ALOX5: variants seen among roughly 807,000 people sequenced by gnomAD.
ALOX5 encodes polyunsaturated fatty acid 5-lipoxygenase.
Under a neutral mutation model 87.9 loss-of-function variants are expected in ALOX5, and 64 were observed. The ratio of observed to expected loss-of-function variants is 0.73; its 90% CI spans 0.60 to 0.90. The LOEUF (loss-of-function observed/expected upper bound fraction) is 0.90. Ranked by LOEUF, ALOX5 falls within the 40% of genes least tolerant of loss-of-function variation. ALOX5 has a pLI of 0.00. For synonymous variants in ALOX5, 388 were observed against 355.1 expected (o/e 1.09, Z -1.04); for missense variants, 822 against 907.5 (o/e 0.91, Z 1.21).
At chr10:45,421,032 G>C (rs957094981) in intron 4 of ALOX5, among the ~76,000 whole-genome samples, 6 of 152,212 alleles carry the variant, frequency 3.9e-5, no homozygotes, top group Admixed American at 3.9e-4. Flanking sequence ...CTAGGTCACT[G>C]CCCCTAGGCC....
intron 1 of ALOX5, 145 bp from the exon 2 acceptor site, chr10:45,382,338 T>C: frequency 3.9e-6 from 3 of 771,700 alleles, no homozygotes; most frequent in Non-Finnish European, 6.4e-6. Context: ...TCAGAGTATC[T>C]TGCACCTGCT....
intron 4 of ALOX5, among the ~76,000 whole-genome samples, chr10:45,414,859 GA>G (rs1841215506): frequency 6.6e-6 from 1 of 152,198 alleles, no homozygotes; most frequent in Non-Finnish European, 1.5e-5. Context: ...GGCCATCAGA[GA>G]AATGCAAATC....
At chr10:45,410,855 A>C (rs552255951) in intron 3 of ALOX5, among the ~76,000 whole-genome samples, 2 of 152,248 alleles carry the variant, frequency 1.3e-5, no homozygotes, top group African/African-American at 2.4e-5. Context: ...TTGGACCTCC[A>C]CAGGAAAGAA....
rs771513019 is a variant in ALOX5, at chr10:45,382,621, G to A, written c.289G>A (p.Glu97Lys). The change falls in exon 2 of 14, where the codon GAG becomes AAG. Residue 97 changes from glutamate (E) to lysine (K), a missense_variant. Glu to Lys is a moderately conservative substitution (Grantham distance 56, BLOSUM62 1). Coordinates refer to ENST00000374391, the MANE Select transcript of ALOX5 (RefSeq NM_000698.5). The stretch of plus-strand genomic sequence containing the variant: ...GAAGACGCCCCACGGGGACTACATC[G>A]AGTTCCCCTGCTACCGCTGGATCAC... ...TLKTPHGDYI[E>K]FPCYRWITGD... 3.7e-6 allele frequency: 6 copies of A among 1,613,926 alleles called. No homozygotes were observed. Among genetic ancestry groups the A allele is most frequent in the South Asian group, 2.2e-5 (2 of 91,072 alleles).
chr10:45,414,490 A>G (rs1841194199), intron 4 of ALOX5, among the ~76,000 whole-genome samples: 1 of 152,210 alleles, frequency 6.6e-6, no homozygotes, highest in Non-Finnish European at 1.5e-5. Flanking sequence ...AAACCCTAGA[A>G]GAAAACCTAG....
intron 6 of ALOX5, among the ~76,000 whole-genome samples, chr10:45,427,376 A>G (rs1156348213): frequency 6.6e-6 from 1 of 152,182 alleles, no homozygotes; most frequent in African/African-American, 2.4e-5. Flanking sequence ...AGGTGCCCTG[A>G]GTGCCTCCGC....
Position 45,443,824 on chromosome 10 carries a change from G to T in ALOX5, c.1670G>T (p.Gly557Val). 2 of 1,604,764 alleles carry T rather than the reference G, an allele frequency of 1.2e-6. No homozygotes were observed. The highest frequency in any genetic ancestry group is 4.5e-5 in the East Asian group (2 of 44,104). The stretch of plus-strand genomic sequence containing the variant: ...GCCCAGCACGCCGCGGTCAACTTCG[G>T]CCAGGTAGGCAGGGCCGGGCCCGCT... ...ASAQHAAVNF[G>V]QYDWCSWIPN... The change falls in exon 12 of 14, where the codon GGC (glycine) becomes GTC (valine). Residue 557 changes from glycine to valine, a missense_variant. By Grantham distance (109) the Gly-to-Val change is moderately radical. Transcript: ENST00000374391.
intron 7 of ALOX5, among the ~76,000 whole-genome samples, chr10:45,432,077 A>T (rs1042490930): frequency 2.1e-4 from 32 of 152,080 alleles, no homozygotes; most frequent in African/African-American, 6.0e-4. Context: ...GAAAACAATT[A>T]AAAAATTGAA....
intron 7 of ALOX5, among the ~76,000 whole-genome samples, chr10:45,438,981 T>G (rs1842139546): frequency 6.6e-6 from 1 of 152,164 alleles, no homozygotes; most frequent in African/African-American, 2.4e-5. Context: ...GCACTTGGGA[T>G]TTGGCTCGTC....
intron 2 of ALOX5, among the ~76,000 whole-genome samples, chr10:45,391,077 G>C (rs1588991466): frequency 3.6e-5 from 2 of 55,560 alleles, no homozygotes. Flanking sequence ...TCTCCCCACG[G>C]TCTCCCTCTC....
intron 6 of ALOX5, 22 bp from the exon 7 acceptor site, chr10:45,428,596 C>T: frequency 1.9e-6 from 3 of 1,613,614 alleles, no homozygotes; most frequent in Non-Finnish European, 1.7e-6. Flanking sequence ...CTGATTTGGA[C>T]ACATCTCTCT....
At chr10:45,381,049 G>A (rs1839809356) in intron 1 of ALOX5, among the ~76,000 whole-genome samples, 1 of 152,258 alleles carries the variant, frequency 6.6e-6, no homozygotes, top group Admixed American at 6.5e-5. Context: ...CCAACTTCCT[G>A]TCTGCCATCC....
intron 9 of ALOX5, 89 bp downstream of exon 9, chr10:45,441,519 A>C: frequency 5.3e-6 from 7 of 1,321,556 alleles, no homozygotes; most frequent in South Asian, 2.5e-5. Flanking sequence ...CCCTTTCAGG[A>C]GGCCTGGAAG....
rs1284603140 is a variant in ALOX5, at chr10:45,444,154, C to T, written c.1713C>T (p.Thr571=). The T allele has an allele frequency of 6.4e-7, 1 of 1,553,854 alleles. No individual in the cohort carries two copies. ...CCTGGATCCCCAATGCGCCCCCAAC[C>T]ATGCGAGCCCCGCCACCGACTGCCA... ...WCSWIPNAPP[T]MRAPPPTAKG... Residue 571 remains threonine (T), a synonymous_variant, in exon 13 of 14, where the codon ACC becomes ACT. Coordinates refer to ENST00000374391, the MANE Select transcript of ALOX5 (RefSeq NM_000698.5).
chr10:45,442,544 A>C (rs10751383), intron 9 of ALOX5: 87,884 of 154,744 alleles, frequency 0.57, 25,247 homozygotes, highest in East Asian at 0.68. Context: ...CATCACTCAG[A>C]AGCCGGGATC....
chr10:45,425,136 G>T lies in ALOX5; in HGVS notation c.834+4G>T. 1.2e-6 allele frequency: 2 copies of T among 1,612,144 alleles called. No homozygotes were observed. Among genetic ancestry groups the T allele is most frequent in the Non-Finnish European group, 1.7e-6 (2 of 1,178,944 alleles). ...CAGCTTGGAGCAGGAGGTCCAGGTA[G>T]GGGTTGATGGGCTGGGGAAGTGGCC... On this transcript the variant is annotated splice_donor_region_variant and intron_variant, in intron 6 of 13. Coordinates refer to ENST00000374391, the MANE Select transcript of ALOX5 (RefSeq NM_000698.5). The surrounding 1 kb of genome is among the most constrained non-coding windows in gnomAD (Gnocchi z 4.4).
In ALOX5 at chr10:45,400,531, G is replaced by A. The variant is rs193148863; in HGVS notation, c.431+4595G>A. On this transcript the variant is annotated intron_variant, in intron 3 of 13. Transcript: ENST00000374391. ...GGAGAATCACTTGAACCCGGGAGGC[G>A]GAGGTTGCAGTGAGCCTAGATCCCG... Among the ~76,000 whole-genome samples, 335 of 152,206 alleles carry A rather than the reference G, an allele frequency of 2.2e-3. 1 individual carries two copies. The highest frequency in any genetic ancestry group is 0.01 in the Middle Eastern group (3 of 294).
At chr10:45,416,239 C>T (rs1841287327) in intron 4 of ALOX5, among the ~76,000 whole-genome samples, 1 of 152,034 alleles carries the variant, frequency 6.6e-6, no homozygotes, top group Admixed American at 6.6e-5. Context: ...ACTGAGTCTC[C>T]AAGGGGTCAA....
rs185491761 is a variant in ALOX5 at position 45,415,715 on chromosome 10, C to T, written c.554+3402C>T. ...CAGGCTGGAAGGAAGAAAGGGAGGG[C>T]ATGGTCACGTTACTGAATCCACATG... On this transcript the variant is annotated intron_variant, in intron 4 of 13. Coordinates refer to ENST00000374391, the MANE Select transcript of ALOX5 (RefSeq NM_000698.5). Among the ~76,000 whole-genome samples the T allele has an allele frequency of 2.6e-5, 4 of 152,264 alleles. No individual in the cohort carries two copies. The East Asian group carries it at 7.7e-4, about 29-fold the overall frequency.
Sources: gnomAD v4.1 joint callset for allele counts (sites outside exome capture counted in the v4.1 genomes callset) on GRCh38, gnomAD v4.1.1 for gene constraint, Gnocchi (gnomAD v3.1) non-coding constraint, MANE v1.5 for transcripts, NCBI Gene and HGNC (gene_info 2026-07-23, HGNC 2026-07-21) for gene names.